DOT1L: variants seen among roughly 807,000 people sequenced by gnomAD.
DOT1L encodes histone-lysine N-methyltransferase, H3 lysine-79 specific.
Under a neutral mutation model 153.3 loss-of-function variants are expected in DOT1L, and 33 were observed. The ratio of observed to expected loss-of-function variants is 0.22; its 90% CI spans 0.16 to 0.29. The LOEUF is 0.29. Ranked by LOEUF, DOT1L falls within the 10% of genes least tolerant of loss-of-function variation. The pLI is 1.00. For synonymous variants in DOT1L, 1,135 were observed against 965.1 expected (o/e 1.18, Z -3.26); for missense variants, 1,847 against 2,119.9 (o/e 0.87, Z 2.53).
intron 12 of DOT1L, among the ~76,000 whole-genome samples, chr19:2,209,493 G>A (rs994086228): frequency 2.6e-5 from 4 of 152,222 alleles, no homozygotes; most frequent in African/African-American, 4.8e-5. Flanking sequence ...ACACATGTGC[G>A]CTTGTCCCAC....
chr19:2,164,527 G>C (rs1358644982), intron 1 of DOT1L: 4 of 292,100 alleles, frequency 1.4e-5, no homozygotes, highest in Non-Finnish European at 2.5e-5. Context: ...TGCCCCCGCC[G>C]GGCTGTCCCG....
Position 2,230,119 on chromosome 19 carries a change from G to A in DOT1L, c.*327G>A. ...GAGCTCTATATAAAGACACGTGTCT[G>A]CAGGGCGGGCCCGCCAGCGGATTCG... On this transcript the variant is annotated 3_prime_UTR_variant, in exon 28 of 28. Coordinates refer to ENST00000398665, the MANE Select transcript of DOT1L (RefSeq NM_032482.3). 1 of 527,424 alleles carries A rather than the reference G, an allele frequency of 1.9e-6. No individual in the cohort carries two copies. Among genetic ancestry groups the A allele is most frequent in the East Asian group, 3.2e-5 (1 of 31,040 alleles). 32.7% of individuals were successfully genotyped at this position (527,424 alleles called of 1,614,324 possible). A position where few individuals can be genotyped will look rare whatever the true frequency, so the allele number is the denominator to read the frequency against.
intron 2 of DOT1L, among the ~76,000 whole-genome samples, chr19:2,181,209 G>T (rs1185730690): frequency 6.6e-6 from 1 of 152,230 alleles, no homozygotes. Context: ...GTGCAGGGAG[G>T]CCCTCTGGGT....
intron 27 of DOT1L, chr19:2,227,659 G>A (rs2024409421): frequency 7.9e-7 from 1 of 1,260,560 alleles, no homozygotes; most frequent in Admixed American, 2.7e-5. Flanking sequence ...TTCCCTTTTT[G>A]TGAGCCTGCG....
chr19:2,228,327 T>C (rs972477459), intron 27 of DOT1L: 5 of 1,335,422 alleles, frequency 3.7e-6, no homozygotes, highest in Non-Finnish European at 5.0e-6. Context: ...CGCGCACCTT[T>C]CGGGGGTTAA....
In DOT1L at chr19:2,216,607, T is replaced by G. The variant is rs763374441; in HGVS notation, c.2250T>G (p.Cys750Trp). Residue 750 changes from cysteine (C) to tryptophan (W), a missense_variant, in exon 20 of 28, where the codon TGT becomes TGG. Physicochemically the swap from Cys to Trp is radical, Grantham distance 215. Around this residue, in one of 8 missense-constraint regions of DOT1L, gnomAD observed 281 missense variants for 263.6 expected, o/e 1.07. Transcript: ENST00000398665. ...ASPLDQEVVP[C>W]TPSHVGRPRL... ...CCCTGGACCAGGAGGTGGTGCCCTGTACCCCTAGCCACGTCGGCCGGCCGC... is the reference window on the plus strand; with the variant it reads ...CCCTGGACCAGGAGGTGGTGCCCTGGACCCCTAGCCACGTCGGCCGGCCGC... The G allele has an allele frequency of 3.7e-6, 6 of 1,607,510 alleles. No individual in the cohort carries two copies. The East Asian group carries it at 1.3e-4, about 36-fold the overall frequency.
At chr19:2,171,609 A>G (rs2021628264) in intron 1 of DOT1L, among the ~76,000 whole-genome samples, 1 of 152,078 alleles carries the variant, frequency 6.6e-6, no homozygotes, top group African/African-American at 2.4e-5. Flanking sequence ...GGTCCCGGGC[A>G]CCGACCGCCG....
intron 19 of DOT1L, 98 bp from the exon 20 acceptor site, chr19:2,216,183 G>A: frequency 1.4e-6 from 2 of 1,471,982 alleles, no homozygotes; most frequent in Non-Finnish European, 1.8e-6. Context: ...AAGCAGCGGG[G>A]GTCCTGGCCA....
At position 2,217,051 on chromosome 19, in the gene DOT1L, T is replaced by A; in HGVS notation, c.2505T>A (p.Pro835=). 1 of 1,611,316 alleles carries A rather than the reference T, an allele frequency of 6.2e-7. No homozygotes were observed. The highest frequency in any genetic ancestry group is 1.1e-5 in the South Asian group (1 of 91,006). The change falls in exon 21 of 28, where the codon CCT becomes CCA. Residue 835 remains proline (P), a synonymous_variant. Coordinates refer to ENST00000398665, the MANE Select transcript of DOT1L (RefSeq NM_032482.3). The surrounding 1 kb of genome is among the most constrained non-coding windows in gnomAD (Gnocchi z 7.3). The part of the protein sequence containing the change: ...LSPQDPRPLS[P]GALQLAGEKS... ...CTCAGGACCCGCGGCCCCTGTCCCC[T>A]GGGGCCTTGCAGCTTGCTGGAGAGA...
intron 1 of DOT1L, among the ~76,000 whole-genome samples, chr19:2,167,626 G>A (rs2019975204): frequency 1.3e-5 from 2 of 152,226 alleles, no homozygotes; most frequent in Admixed American, 6.5e-5. Flanking sequence ...AGTGCCAGAG[G>A]CAGCCTTCTG....
chr19:2,185,295 A>G (rs1185247561), intron 2 of DOT1L, among the ~76,000 whole-genome samples: 1 of 152,090 alleles, frequency 6.6e-6, no homozygotes, highest in African/African-American at 2.4e-5. Context: ...AGATAAGTTC[A>G]CTTAGGTCCC....
rs560107668 is a variant in DOT1L, at chr19:2,208,210, G to A, written c.963+530G>A. Reference sequence around the variant, plus strand: ...CTTCCCCCCCGGGCACGAGTATCCCGAGCCTCCTGGCATGTGGGCAGCGCC... The same window carrying A: ...CTTCCCCCCCGGGCACGAGTATCCCAAGCCTCCTGGCATGTGGGCAGCGCC... On this transcript the variant is annotated intron_variant, in intron 11 of 27. Transcript: ENST00000398665. This position sits in a 1 kb window ranked among gnomAD's most constrained non-coding sequence, Gnocchi z 4.4. Among the ~76,000 whole-genome samples, 2 of 152,224 alleles carry A rather than the reference G, an allele frequency of 1.3e-5. No homozygotes were observed. The highest frequency in any genetic ancestry group is 3.9e-4 in the East Asian group (2 of 5,178).
Position 2,207,421 on chromosome 19 carries a change from C to G in DOT1L, c.857-153C>G, listed in dbSNP as rs1365787173. 6.6e-6 allele frequency among the ~76,000 whole-genome samples: 1 copy of G among 152,206 alleles called. No individual in the cohort carries two copies. Among genetic ancestry groups the G allele is most frequent in the African/African-American group, 2.4e-5 (1 of 41,448 alleles). On this transcript the variant is annotated intron_variant, in intron 10 of 27. Transcript: ENST00000398665. The surrounding 1 kb of genome is among the most constrained non-coding windows in gnomAD (Gnocchi z 4.5). ...GAATGGTGCACCTCCCTGGGCCGGC[C>G]TCTGTGGGCCACTGTGGCCTGACGC...
In DOT1L at chr19:2,230,855, C is replaced by T. The variant is rs1038601760; in HGVS notation, c.*1063C>T. 3 of 348,920 alleles carry T rather than the reference C, an allele frequency of 8.6e-6. No individual in the cohort carries two copies. Among genetic ancestry groups the T allele is most frequent in the Non-Finnish European group, 1.5e-5 (3 of 194,948 alleles). The allele number at this position is 348,920 out of a possible 1,614,324, so 21.6% of individuals were successfully genotyped here. A position where few individuals can be genotyped will look rare whatever the true frequency, so the allele number is the denominator to read the frequency against. On this transcript the variant is annotated 3_prime_UTR_variant, in exon 28 of 28. Transcript: ENST00000398665. ...GCAGCCCAGACAGAGCTGCCGGCGCCCCTGCCTGCCCCACATCCCTTCCTG... is the reference window on the plus strand; with the variant it reads ...GCAGCCCAGACAGAGCTGCCGGCGCTCCTGCCTGCCCCACATCCCTTCCTG...
rs371971765 is a variant in DOT1L, at chr19:2,231,730, G to A, written c.*1938G>A. The A allele has an allele frequency of 2.8e-5, 6 of 213,402 alleles. No homozygotes were observed. Among genetic ancestry groups the A allele is most frequent in the Non-Finnish European group, 3.8e-5 (4 of 105,634 alleles). The allele number at this position is 213,402 out of a possible 1,614,324, so 13.2% of individuals were successfully genotyped here. A position where few individuals can be genotyped will look rare whatever the true frequency, so the allele number is the denominator to read the frequency against. On this transcript the variant is annotated 3_prime_UTR_variant, in exon 28 of 28. Coordinates refer to ENST00000398665, the MANE Select transcript of DOT1L (RefSeq NM_032482.3). ...ACGCCACAGGGTTGATGGCAGAGAC[G>A]GCCGAGTCCCTGGTCTAGAACAAGA... is the stretch of plus-strand genomic sequence containing the variant.
At chr19:2,180,843 TG>T in intron 2 of DOT1L, 87 bp downstream of exon 2, 2 of 1,532,090 alleles carry the variant, frequency 1.3e-6, no homozygotes, top group Non-Finnish European at 1.8e-6. Context: ...GTTGTGGGGA[TG>T]GCTCCTGCAG....
At chr19:2,192,360 A>G (rs920751922) in intron 5 of DOT1L, among the ~76,000 whole-genome samples, 33 of 152,226 alleles carry the variant, frequency 2.2e-4, no homozygotes, top group Admixed American at 1.2e-3. Context: ...TCAAATTTAA[A>G]AAATGCAATA....
At position 2,229,417 on chromosome 19, in the gene DOT1L, G is replaced by A. The variant is rs920903482; in HGVS notation, c.4607-368G>A. 1.1e-4 allele frequency: 104 copies of A among 985,364 alleles called. 1 individual carries two copies. The highest frequency in any genetic ancestry group is 1.8e-4 in the Admixed American group (3 of 16,274). The allele number at this position is 985,364 out of a possible 1,614,324, so 61.0% of individuals were successfully genotyped here. The stretch of plus-strand genomic sequence containing the variant: ...AGGACTGGGAGCCAGGAGCCAAGGC[G>A]GAGGCTGTGGCCAGGGCTGGTCAGC... On this transcript the variant is annotated intron_variant, in intron 27 of 27. Transcript: ENST00000398665.
chr19:2,200,593 C>T (rs957503801), intron 8 of DOT1L, among the ~76,000 whole-genome samples: 3 of 152,114 alleles, frequency 2.0e-5, no homozygotes, highest in Admixed American at 2.0e-4. Flanking sequence ...GTGAGGGCAG[C>T]CGGGGAGGTG....
Sources: allele counts gnomAD v4.1 joint callset (sites outside exome capture counted in the v4.1 genomes callset), GRCh38; gene constraint gnomAD v4.1.1; regional missense constraint gnomAD v4.1.1; non-coding constraint Gnocchi (gnomAD v3.1); transcripts MANE v1.5; gene names NCBI Gene and HGNC (gene_info 2026-07-23, HGNC 2026-07-21).